PUS1: variants seen among roughly 807,000 people sequenced by gnomAD.
The protein encoded by PUS1 is pseudouridine synthase 1.
In PUS1, 25 loss-of-function variants were observed where a neutral mutation model predicts 38.5. The ratio of observed to expected loss-of-function variants is 0.65; its 90% CI spans 0.47 to 0.91. The LOEUF (loss-of-function observed/expected upper bound fraction) is 0.91. PUS1 is among the 40% of genes least tolerant of loss of function. PUS1 has a pLI of 0.00. For missense variants in PUS1, 597 were observed against 612.3 expected (o/e 0.97, Z 0.26); for synonymous variants, 282 against 260.4 (o/e 1.08, Z -0.80).
Position 131,931,904 on chromosome 12 carries a change from A to G in PUS1, c.304-271A>G, listed in dbSNP as rs554396620. The G allele has an allele frequency of 2.5e-5, 15 of 601,028 alleles. No individual in the cohort carries two copies. In the African/African-American group the frequency reaches 2.8e-4, roughly 11 times the overall value. The allele number at this position is 601,028 out of a possible 1,614,324, so 37.2% of individuals were successfully genotyped here. A position where few individuals can be genotyped will look rare whatever the true frequency, so the allele number is the denominator to read the frequency against. On this transcript the variant is annotated intron_variant, in intron 2 of 5. Transcript: ENST00000376649. ...CCACGGCACTGATTTTGTAACTGAC[A>G]GATTGTGGAAGTAGGTGTATGCACA...
In PUS1 at chr12:131,941,551, C is replaced by T. The variant is rs200925842; in HGVS notation, c.804C>T (p.Cys268=). 51 of 1,614,182 alleles carry T rather than the reference C, an allele frequency of 3.2e-5. No individual in the cohort carries two copies. The highest frequency in any genetic ancestry group is 6.7e-5 in the East Asian group (3 of 44,886). ...SACRYILEMY[C]EEPFVREGLE... ...GCCGCTACATCCTGGAGATGTACTG[C>T]GAGGAACCCTTTGTGCGGGAGGGCC... is the stretch of plus-strand genomic sequence containing the variant. The change falls in exon 5 of 6, where the codon TGC becomes TGT. Residue 268 remains cysteine (C), a synonymous_variant. Coordinates refer to ENST00000376649, the MANE Select transcript of PUS1 (RefSeq NM_025215.6). This position sits in a 1 kb window ranked among gnomAD's most constrained non-coding sequence, Gnocchi z 4.4.
At position 131,932,017 on chromosome 12, in the gene PUS1, A is replaced by G. The variant is rs759703237; in HGVS notation, c.304-158A>G. On this transcript the variant is annotated intron_variant, in intron 2 of 5. Coordinates refer to ENST00000376649, the MANE Select transcript of PUS1 (RefSeq NM_025215.6). ...CCGGCCCCAGGGTGAGTGAGCAGAA[A>G]ACAGTGTTTTCACATGAGCGTGGCA... 8.2e-6 allele frequency: 6 copies of G among 728,664 alleles called. No homozygotes were observed. In the East Asian group the frequency reaches 1.6e-4, roughly 20 times the overall value. 45.1% of individuals were successfully genotyped at this position (728,664 alleles called of 1,614,324 possible). A position where few individuals can be genotyped will look rare whatever the true frequency, so the allele number is the denominator to read the frequency against.
In PUS1 at chr12:131,939,202, C is replaced by T. The variant is rs1219305427; in HGVS notation, c.471C>T (p.Ser157=). 5.1e-6 allele frequency: 8 copies of T among 1,561,122 alleles called. No homozygotes were observed. The South Asian group carries it at 9.4e-5, about 18-fold the overall frequency. The part of the protein sequence containing the change: ...KGVSAAGQVV[S]LKVWLIDDIL... ...TGTCCGCAGCCGGCCAGGTGGTATC[C>T]CTGAAGGTGTGGCTGATTGACGACA... The change falls in exon 4 of 6, where the codon TCC becomes TCT. Residue 157 remains serine (S), a synonymous_variant. Coordinates refer to ENST00000376649, the MANE Select transcript of PUS1 (RefSeq NM_025215.6).
Position 131,941,579 on chromosome 12 carries a change from G to C in PUS1, c.832G>C (p.Glu278Gln), listed in dbSNP as rs1291456768. Residue 278 changes from glutamate (E) to glutamine (Q), a missense_variant, in exon 5 of 6, where the codon GAG becomes CAG. Transcript: ENST00000376649. This position sits in a 1 kb window ranked among gnomAD's most constrained non-coding sequence, Gnocchi z 4.4. Reference sequence around the variant, plus strand: ...GGAACCCTTTGTGCGGGAGGGCCTGGAGTTTGCGGTGATCAGGGTGAAGGG... The same window carrying C: ...GGAACCCTTTGTGCGGGAGGGCCTGCAGTTTGCGGTGATCAGGGTGAAGGG... ...CEEPFVREGL[E>Q]FAVIRVKGQS... is the part of the protein sequence containing the mutation. 6.2e-7 allele frequency: 1 copy of C among 1,614,106 alleles called. No individual in the cohort carries two copies. The highest frequency in any genetic ancestry group is 8.5e-7 in the Non-Finnish European group (1 of 1,180,040).
intron 2 of PUS1, among the ~76,000 whole-genome samples, chr12:131,930,991 T>C (rs1056408459): frequency 5.3e-5 from 8 of 152,208 alleles, no homozygotes; most frequent in African/African-American, 1.9e-4. Context: ...TTCCTTTTTG[T>C]AGTTACCACT....
Position 131,932,694 on chromosome 12 carries a change from C to G in PUS1, c.441+382C>G, listed in dbSNP as rs936024054. On this transcript the variant is annotated intron_variant, in intron 3 of 5. Coordinates refer to ENST00000376649, the MANE Select transcript of PUS1 (RefSeq NM_025215.6). ...GGCAGAGAGCCACACTTGTATGATG[C>G]AACATTCTCTTTTCTTTCCTTTTTT... 4.2e-5 allele frequency: 17 copies of G among 402,942 alleles called. No homozygotes were observed. In the Admixed American group the frequency reaches 5.2e-4, roughly 12 times the overall value. 25.0% of individuals were successfully genotyped at this position (402,942 alleles called of 1,614,324 possible).
In PUS1 at chr12:131,941,284, C is replaced by CT. The variant is rs776377156; in HGVS notation, c.545-8_545-7insT. 4 of 1,613,572 alleles carry CT rather than the reference C, an allele frequency of 2.5e-6. No individual in the cohort carries two copies. Among genetic ancestry groups the CT allele is most frequent in the Non-Finnish European group, 3.4e-6 (4 of 1,179,592 alleles). On this transcript the variant is annotated splice_region_variant and splice_polypyrimidine_tract_variant and intron_variant, in intron 4 of 5. Transcript: ENST00000376649. The surrounding 1 kb of genome is among the most constrained non-coding windows in gnomAD (Gnocchi z 4.4). The stretch of plus-strand genomic sequence containing the variant: ...TGCCTTTCTCCTCCCTGACCACCTC[C>CT]CCCCTAGGACTGAAGCGGGTCACGG...
chr12:131,936,846 G>A (rs571673900), intron 3 of PUS1, among the ~76,000 whole-genome samples: 19 of 150,594 alleles, frequency 1.3e-4, no homozygotes, highest in South Asian at 8.4e-4. Flanking sequence ...TCGAGGTTGC[G>A]TCACTGAGCT....
At chr12:131,939,056 T>G (rs1890953939) in intron 3 of PUS1, 117 bp from the exon 4 acceptor site, 2 of 760,706 alleles carry the variant, frequency 2.6e-6, no homozygotes, top group Non-Finnish European at 4.6e-6. Flanking sequence ...GATGCATTTT[T>G]AACAGCTGAA....
At chr12:131,942,633 C>G (rs758739911) in intron 5 of PUS1, among the ~76,000 whole-genome samples, 2 of 152,286 alleles carry the variant, frequency 1.3e-5, no homozygotes, top group South Asian at 2.1e-4. Context: ...GTCTTGATCT[C>G]CTGACCTTGT....
rs148437933 is a variant in PUS1, at chr12:131,942,596, T to G, written c.1236+613T>G. Among the ~76,000 whole-genome samples the G allele has an allele frequency of 1.8e-4, 27 of 152,044 alleles. No individual in the cohort carries two copies. In the South Asian group the frequency reaches 2.9e-3, roughly 16 times the overall value. ...TCATTTTTTGTATTTTTAGTAGAGA[T>G]GGGGTTTCACCATGTTAGCCAGGAT... On this transcript the variant is annotated intron_variant, in intron 5 of 5. Coordinates refer to ENST00000376649, the MANE Select transcript of PUS1 (RefSeq NM_025215.6).
At chr12:131,938,314 G>T (rs1478002921) in intron 3 of PUS1, among the ~76,000 whole-genome samples, 3 of 152,082 alleles carry the variant, frequency 2.0e-5, no homozygotes, top group Non-Finnish European at 4.4e-5. Context: ...GCATCGTGGT[G>T]CCTGTCTGTA....
chr12:131,937,698 T>C (rs935920597), intron 3 of PUS1, among the ~76,000 whole-genome samples: 16 of 152,136 alleles, frequency 1.1e-4, no homozygotes, highest in African/African-American at 2.9e-4. Context: ...TGTTTTTGCT[T>C]TCTTTTTATT....
chr12:131,935,401 G>T (rs1440421061), intron 3 of PUS1, among the ~76,000 whole-genome samples: 2 of 152,186 alleles, frequency 1.3e-5, no homozygotes, highest in Non-Finnish European at 1.5e-5. Context: ...TAGAGAGATG[G>T]TTTCATTCTA....
chr12:131,937,926 C>T (rs1890901376), intron 3 of PUS1, among the ~76,000 whole-genome samples: 1 of 152,146 alleles, frequency 6.6e-6, no homozygotes, highest in Non-Finnish European at 1.5e-5. Flanking sequence ...TAGCATGAGT[C>T]TCCAAGGGAC....
intron 4 of PUS1, among the ~76,000 whole-genome samples, chr12:131,939,848 C>T (rs1405813028): frequency 6.6e-6 from 1 of 152,066 alleles, no homozygotes; most frequent in Non-Finnish European, 1.5e-5. Context: ...ATTGTGTTGC[C>T]CAGGCTGGTC....
intron 2 of PUS1, 138 bp from the exon 3 acceptor site, chr12:131,932,037 G>A (rs1222829483): frequency 2.1e-5 from 16 of 767,972 alleles, no homozygotes; most frequent in East Asian, 1.9e-4. Context: ...TCACATGAGC[G>A]TGGCAGCTCA....
chr12:131,942,251 G>C (rs888296220), intron 5 of PUS1, among the ~76,000 whole-genome samples: 3 of 152,202 alleles, frequency 2.0e-5, no homozygotes, highest in African/African-American at 7.2e-5. Context: ...ACCTGGCATG[G>C]AGCATAATCA....
chr12:131,929,609 A>G lies in PUS1; in HGVS notation c.-114A>G. 2.3e-6 allele frequency: 2 copies of G among 882,118 alleles called. No individual in the cohort carries two copies. The highest frequency in any genetic ancestry group is 3.7e-5 in the South Asian group (2 of 53,724). 54.6% of individuals were successfully genotyped at this position (882,118 alleles called of 1,614,324 possible). A position where few individuals can be genotyped will look rare whatever the true frequency, so the allele number is the denominator to read the frequency against. On this transcript the variant is annotated 5_prime_UTR_variant, in exon 1 of 6. Coordinates refer to ENST00000376649, the MANE Select transcript of PUS1 (RefSeq NM_025215.6). ...TCCCGGAGGTCAGGGGTCAGAAGGA[A>G]CAGGGCTGCAGCGTCAGGGTCCGAG...
Sources: gnomAD v4.1 joint callset for allele counts (sites outside exome capture counted in the v4.1 genomes callset) on GRCh38, gnomAD v4.1.1 for gene constraint, Gnocchi (gnomAD v3.1) non-coding constraint, MANE v1.5 for transcripts, NCBI Gene and HGNC (gene_info 2026-07-23, HGNC 2026-07-21) for gene names.